TAPT1: variants seen among roughly 807,000 people sequenced by gnomAD.
TAPT1 encodes transmembrane anterior posterior transformation 1.
In TAPT1, 28 loss-of-function variants were observed where a neutral mutation model predicts 65.6. The ratio of observed to expected loss-of-function variants is 0.43; its 90% CI spans 0.32 to 0.59. The LOEUF (loss-of-function observed/expected upper bound fraction) is 0.59. Among genes scored for constraint, TAPT1 ranks in the 20% least tolerant of loss-of-function variants. TAPT1 has a pLI of 0.09. For missense variants in TAPT1, 563 were observed against 679.9 expected (o/e 0.83, Z 1.91); for synonymous variants, 278 against 245.2 (o/e 1.13, Z -1.25).
rs574554135 is a variant in TAPT1, at chr4:16,205,539, C to G, written c.331-2959G>C. The stretch of plus-strand genomic sequence containing the variant: ...TTGACACAAACCGCATGCTAAGTGC[C>G]AGATGAATGATGTGCTCTGGAAACA... On this transcript the variant is annotated intron_variant, in intron 2 of 13. Coordinates refer to ENST00000405303, the MANE Select transcript of TAPT1 (RefSeq NM_153365.3). Among the ~76,000 whole-genome samples, 13 of 152,196 alleles carry G rather than the reference C, an allele frequency of 8.5e-5. No individual in the cohort carries two copies. The South Asian group carries it at 2.3e-3, about 27-fold the overall frequency.
At chr4:16,185,295 T>A (rs986599635) in intron 7 of TAPT1, among the ~76,000 whole-genome samples, 14 of 152,166 alleles carry the variant, frequency 9.2e-5, no homozygotes, top group African/African-American at 3.4e-4. Flanking sequence ...TTAAAATTTC[T>A]CAGTTTTCAT....
chr4:16,195,790 C>T (rs1023909866), intron 3 of TAPT1, among the ~76,000 whole-genome samples: 1 of 152,124 alleles, frequency 6.6e-6, no homozygotes, highest in African/African-American at 2.4e-5. Flanking sequence ...AAGCTGTTTC[C>T]TTTTCCTCTT....
rs1269011618 is a variant in TAPT1, at chr4:16,179,613, A to T, written c.961T>A (p.Cys321Ser). 2 of 1,539,238 alleles carry T rather than the reference A, an allele frequency of 1.3e-6. No individual in the cohort carries two copies. Among genetic ancestry groups the T allele is most frequent in the Non-Finnish European group, 1.7e-6 (2 of 1,143,346 alleles). Residue 321 changes from cysteine (C) to serine (S), a missense_variant, in exon 8 of 14, where the codon TGT becomes AGT. Cys to Ser is a moderately radical substitution (Grantham distance 112). Coordinates refer to ENST00000405303, the MANE Select transcript of TAPT1 (RefSeq NM_153365.3). ...GAAAACTGTTCCATGTTTCTTAGAC[A>T]CACTATCAGTAAAAGCACATAATTT... ...FTNYVLLLIV[C>S]LRNMEQFSWN...
intron 12 of TAPT1, among the ~76,000 whole-genome samples, chr4:16,167,923 T>C (rs1269367894): frequency 6.6e-6 from 1 of 152,108 alleles, no homozygotes; most frequent in Non-Finnish European, 1.5e-5. Flanking sequence ...TACTAAAAAG[T>C]TTCTGATTAA....
chr4:16,196,678 C>A (rs1749724390), intron 3 of TAPT1: 5 of 1,288,820 alleles, frequency 3.9e-6, no homozygotes, highest in Non-Finnish European at 5.1e-6. Context: ...CCCTGTGCCA[C>A]CACATTCCAT....
intron 3 of TAPT1, among the ~76,000 whole-genome samples, chr4:16,197,808 T>C (rs1001676580): frequency 3.9e-5 from 6 of 152,196 alleles, no homozygotes; most frequent in African/African-American, 1.4e-4. Flanking sequence ...AGGGAAGATA[T>C]ACATAAGTGA....
At chr4:16,212,830 A>T (rs1362252262) in intron 2 of TAPT1, among the ~76,000 whole-genome samples, 1 of 152,354 alleles carries the variant, frequency 6.6e-6, no homozygotes, top group East Asian at 1.9e-4. Flanking sequence ...ACATAAAGCA[A>T]CATTTCTGAA....
At chr4:16,196,604 T>A in intron 3 of TAPT1, 2 of 971,742 alleles carry the variant, frequency 2.1e-6, no homozygotes, top group Non-Finnish European at 1.4e-6. Context: ...CTTTTGCATT[T>A]AATGAATGTC....
chr4:16,200,372 G>C (rs1043275325), intron 3 of TAPT1, among the ~76,000 whole-genome samples: 5 of 152,252 alleles, frequency 3.3e-5, no homozygotes, highest in Middle Eastern at 3.4e-3. Flanking sequence ...ACCCAGGCTG[G>C]AGTGCAGTGG....
chr4:16,221,825 TG>T (rs1420328193), intron 1 of TAPT1, among the ~76,000 whole-genome samples: 2 of 152,216 alleles, frequency 1.3e-5, no homozygotes, highest in African/African-American at 4.8e-5. Context: ...ATAAGCTTAT[TG>T]AACAGAGACA....
intron 7 of TAPT1, among the ~76,000 whole-genome samples, chr4:16,183,483 C>A (rs186900236): frequency 6.6e-6 from 1 of 152,072 alleles, no homozygotes; most frequent in African/African-American, 2.4e-5. Context: ...TCTGGGGAAC[C>A]CGTTTATAAA....
intron 4 of TAPT1, among the ~76,000 whole-genome samples, chr4:16,189,814 C>T (rs916743145): frequency 2.0e-5 from 3 of 152,144 alleles, no homozygotes; most frequent in Non-Finnish European, 2.9e-5. Context: ...AATAATACTA[C>T]CTTGAGAGGG....
At chr4:16,225,293 AC>A (rs1751483012) in intron 1 of TAPT1, among the ~76,000 whole-genome samples, 1 of 152,266 alleles carries the variant, frequency 6.6e-6, no homozygotes, top group African/African-American at 2.4e-5. Flanking sequence ...GTACTCAAGT[AC>A]AATCAATGAT....
At position 16,176,163 on chromosome 4, in the gene TAPT1, C is replaced by G; in HGVS notation, c.1063G>C (p.Val355Leu). The change falls in exon 9 of 14, where the codon GTA (valine) becomes CTA (leucine). Residue 355 changes from valine (V) to leucine (L), a missense_variant. Coordinates refer to ENST00000405303, the MANE Select transcript of TAPT1 (RefSeq NM_153365.3). ...VIASEIAVDI[V>L]KHAFITKFND... ...AATTTAGTAATAAAGGCATGTTTTACAATATCCACGGCAATTTCTGATGCA... is the reference window on the plus strand; with the variant it reads ...AATTTAGTAATAAAGGCATGTTTTAGAATATCCACGGCAATTTCTGATGCA... The G allele has an allele frequency of 6.3e-7, 1 of 1,575,992 alleles. No individual in the cohort carries two copies. Among genetic ancestry groups the G allele is most frequent in the Non-Finnish European group, 8.6e-7 (1 of 1,159,228 alleles).
intron 3 of TAPT1, among the ~76,000 whole-genome samples, chr4:16,197,141 GCTCTC>G (rs1172107042): frequency 1.3e-5 from 2 of 152,168 alleles, no homozygotes; most frequent in African/African-American, 4.8e-5. Flanking sequence ...GGAGACAAGA[GCTCTC>G]CCATGGGATA....
At chr4:16,202,400 C>A in intron 3 of TAPT1, 62 bp downstream of exon 3, 1 of 1,062,494 alleles carries the variant, frequency 9.4e-7, no homozygotes, top group Non-Finnish European at 1.4e-6. Context: ...TCTGCAACCA[C>A]TACAAGTATT....
At chr4:16,189,393 C>T (rs956624126) in intron 4 of TAPT1, among the ~76,000 whole-genome samples, 1 of 152,172 alleles carries the variant, frequency 6.6e-6, no homozygotes, top group African/African-American at 2.4e-5. Flanking sequence ...GCTGGTTCAC[C>T]TGTGAGTCTT....
At chr4:16,214,994 A>G (rs1359903271) in intron 1 of TAPT1, among the ~76,000 whole-genome samples, 2 of 152,144 alleles carry the variant, frequency 1.3e-5, no homozygotes, top group East Asian at 3.9e-4. Context: ...AAGCGTTTAT[A>G]GTAAAAAATA....
chr4:16,182,086 A>T (rs1250380581), intron 7 of TAPT1, among the ~76,000 whole-genome samples: 1 of 152,220 alleles, frequency 6.6e-6, no homozygotes, highest in Non-Finnish European at 1.5e-5. Context: ...TGTTATGTGA[A>T]GATTTTTTGG....
Sources: allele counts gnomAD v4.1 joint callset (sites outside exome capture counted in the v4.1 genomes callset), GRCh38; gene constraint gnomAD v4.1.1; transcripts MANE v1.5; gene names NCBI Gene and HGNC (gene_info 2026-07-23, HGNC 2026-07-21).